Variants in CDC42BPB observed in about 807,000 individuals in gnomAD.
CDC42BPB encodes the protein CDC42 binding protein kinase beta.
A neutral mutation model predicts 214.9 loss-of-function variants in CDC42BPB; 37 were observed. The ratio of observed to expected loss-of-function variants is 0.17; its 90% CI spans 0.13 to 0.23. The LOEUF is 0.23. Among genes scored for constraint, CDC42BPB ranks in the 10% least tolerant of loss-of-function variants. The probability of loss-of-function intolerance (pLI) is 1.00; values close to 1 mark genes in which losing one functional copy is unlikely to be tolerated. For synonymous variants in CDC42BPB, 931 were observed against 884.0 expected, an observed-to-expected ratio of 1.05 and a Z score of -0.94; for missense variants, 1,694 against 2,227.0, an observed-to-expected ratio of 0.76 and a Z score of 4.82.
intron 1 of CDC42BPB, among the ~76,000 whole-genome samples, chr14:103,050,333 C>T (rs1888530675): frequency 6.6e-6 from 1 of 152,176 alleles, no homozygotes; most frequent in African/African-American, 2.4e-5. Context: ...TGAGGCTGAC[C>T]GCAGTCCTGT....
chr14:103,003,191 A>G (rs1004452552), intron 4 of CDC42BPB, among the ~76,000 whole-genome samples: 1 of 152,148 alleles, frequency 6.6e-6, no homozygotes, highest in Admixed American at 6.5e-5. Context: ...TGCCCGCGTC[A>G]CGTCCACCCA....
chr14:103,014,433 TAC>T, intron 1 of CDC42BPB, among the ~76,000 whole-genome samples: 1 of 152,292 alleles, frequency 6.6e-6, no homozygotes, highest in East Asian at 1.9e-4. Flanking sequence ...TATCTATCAC[TAC>T]AGTTTTATGA....
At chr14:103,031,025 A>G (rs963657112) in intron 1 of CDC42BPB, among the ~76,000 whole-genome samples, 2 of 151,960 alleles carry the variant, frequency 1.3e-5, no homozygotes, top group Admixed American at 6.6e-5. Flanking sequence ...CTGCCAGACT[A>G]CCCACCTCCA....
At chr14:102,941,725 C>G (rs1449343473) in intron 30 of CDC42BPB, among the ~76,000 whole-genome samples, 3 of 152,212 alleles carry the variant, frequency 2.0e-5, no homozygotes, top group East Asian at 3.8e-4. Flanking sequence ...TGGAGCCTGA[C>G]AGATGTGACA....
At chr14:102,999,346 T>C (rs1894876606) in intron 5 of CDC42BPB, among the ~76,000 whole-genome samples, 1 of 152,128 alleles carries the variant, frequency 6.6e-6, no homozygotes, top group Admixed American at 6.6e-5. Context: ...TGGCTTCGGC[T>C]GACAGCAGAC....
chr14:103,045,836 C>T (rs1317010858), intron 1 of CDC42BPB, among the ~76,000 whole-genome samples: 1 of 152,192 alleles, frequency 6.6e-6, no homozygotes, highest in East Asian at 1.9e-4. Flanking sequence ...TCAAGGACAA[C>T]GTGAGCTCCA....
chr14:102,969,059 G>C (rs562666186), intron 14 of CDC42BPB, among the ~76,000 whole-genome samples: 1 of 152,250 alleles, frequency 6.6e-6, no homozygotes, highest in African/African-American at 2.4e-5. Flanking sequence ...GCTCTCTTGG[G>C]GCTGGCGGGA....
At chr14:102,945,213 G>A (rs193133617) in intron 29 of CDC42BPB, 162 of 457,508 alleles carry the variant, frequency 3.5e-4, no homozygotes, top group African/African-American at 2.7e-3. Context: ...GCTCCCCTGG[G>A]CCCCTGCCCC....
intron 23 of CDC42BPB, 147 bp from the exon 24 acceptor site, chr14:102,952,750 C>T (rs953779747): frequency 1.6e-5 from 23 of 1,443,672 alleles, no homozygotes; most frequent in Non-Finnish European, 1.7e-5. Flanking sequence ...TACGTGTTCC[C>T]TAACAGGGCT....
rs201120777 is a variant in CDC42BPB, at chr14:102,944,331, G to A, written c.3968C>T (p.Pro1323Leu). The A allele has an allele frequency of 1.1e-5, 18 of 1,613,078 alleles. No homozygotes were observed. The highest frequency in any genetic ancestry group is 1.6e-4 in the Middle Eastern group (1 of 6,062). ...GAEGSFDIKL[P>L]ETKGCQLMAT... ...CATGAGCTGGCAGCCTTTGGTTTCCGGAAGCTTGATGTCAAAGCTGCCTTC... is the reference window on the plus strand; with the variant it reads ...CATGAGCTGGCAGCCTTTGGTTTCCAGAAGCTTGATGTCAAAGCTGCCTTC... The change falls in exon 30 of 37, where the codon CCG (proline) becomes CTG (leucine). Residue 1323 changes from proline to leucine, a missense_variant. Transcript: ENST00000361246. This position sits in a 1 kb window ranked among gnomAD's most constrained non-coding sequence, Gnocchi z 6.6.
rs544691550 is a variant in CDC42BPB, at chr14:103,002,269, G to A, written c.447+1659C>T. The stretch of plus-strand genomic sequence containing the variant: ...CCGCAGAAGCCGGCCCCGCAGTCAC[G>A]GGCCAGAAAGCTTCCAAGGCCTCGC... On this transcript the variant is annotated intron_variant, in intron 4 of 36. Transcript: ENST00000361246. Among the ~76,000 whole-genome samples the A allele has an allele frequency of 7.4e-4, 113 of 152,254 alleles. 1 individual carries two copies. Among genetic ancestry groups the A allele is most frequent in the Non-Finnish European group, 1.3e-3 (90 of 68,022 alleles).
intron 36 of CDC42BPB, among the ~76,000 whole-genome samples, chr14:102,936,327 T>C (rs1045453137): frequency 6.6e-6 from 1 of 152,144 alleles, no homozygotes; most frequent in African/African-American, 2.4e-5. Flanking sequence ...TCACAACAGC[T>C]GAAGGACAGA....
intron 28 of CDC42BPB, among the ~76,000 whole-genome samples, 194 bp downstream of exon 28, chr14:102,946,274 T>C (rs539326376): frequency 6.6e-5 from 10 of 152,288 alleles, no homozygotes; most frequent in East Asian, 5.8e-4. Context: ...CCGCCCGCCT[T>C]GGCCTCCCAG....
intron 9 of CDC42BPB, among the ~76,000 whole-genome samples, chr14:102,977,767 C>A (rs530361484): frequency 6.6e-6 from 1 of 152,204 alleles, no homozygotes; most frequent in South Asian, 2.1e-4. Flanking sequence ...AAATCTCACC[C>A]CCCTGGCCTC....
intron 26 of CDC42BPB, among the ~76,000 whole-genome samples, chr14:102,949,546 G>A (rs372316819): frequency 6.6e-6 from 1 of 152,254 alleles, no homozygotes; most frequent in East Asian, 1.9e-4. Context: ...CGTCTACAGC[G>A]CTCCCGTTCC....
chr14:102,974,330 G>C, intron 11 of CDC42BPB, 181 bp from the exon 12 acceptor site: 1 of 965,890 alleles, frequency 1.0e-6, no homozygotes, highest in African/African-American at 2.1e-5. Flanking sequence ...AGTGTCATAG[G>C]CACAGCTACC....
chr14:102,946,684 CCTT>C lies in CDC42BPB; in HGVS notation c.3532-3_3532-1del. The C allele has an allele frequency of 6.2e-7, 1 of 1,612,576 alleles. No individual in the cohort carries two copies. The highest frequency in any genetic ancestry group is 8.5e-7 in the Non-Finnish European group (1 of 1,179,864). ...GGTGCACCTAAGAGAGAGGCCGTCA[CCTT>C]CATGACAGGAAACAGAAGAGAAGAG... On this transcript the variant is annotated splice_acceptor_variant and splice_polypyrimidine_tract_variant and intron_variant, in intron 27 of 36. Coordinates refer to ENST00000361246, the MANE Select transcript of CDC42BPB (RefSeq NM_006035.4). LOFTEE classifies it high-confidence loss of function.
rs80276877 is a variant in CDC42BPB, at chr14:103,040,839, G to C, written c.175+16160C>G. 7.3e-3 allele frequency among the ~76,000 whole-genome samples: 1,110 copies of C among 152,276 alleles called. 19 individuals are homozygous for C. Among genetic ancestry groups the C allele is most frequent in the African/African-American group, 0.025 (1,058 of 41,550 alleles). ...CAAGAGACTTTAATACTGTTAAGAT[G>C]GCAATACTCCCCAAATTGACCTACA... is the stretch of plus-strand genomic sequence containing the variant. On this transcript the variant is annotated intron_variant, in intron 1 of 36. Coordinates refer to ENST00000361246, the MANE Select transcript of CDC42BPB (RefSeq NM_006035.4).
At chr14:103,014,349 A>G (rs1429913441) in intron 1 of CDC42BPB, among the ~76,000 whole-genome samples, 1 of 151,584 alleles carries the variant, frequency 6.6e-6, no homozygotes, top group South Asian at 2.1e-4. Context: ...ACCTGTCTCT[A>G]TTTTCACCTT....
Sources: allele counts gnomAD v4.1 joint callset (sites outside exome capture counted in the v4.1 genomes callset), GRCh38; gene constraint gnomAD v4.1.1; non-coding constraint Gnocchi (gnomAD v3.1); transcripts MANE v1.5; gene names NCBI Gene and HGNC (gene_info 2026-07-23, HGNC 2026-07-21).